STRN3: variants seen among roughly 807,000 people sequenced by gnomAD.
STRN3 encodes the protein striatin 3.
STRN3 carries 29 observed loss-of-function variants against 95.6 expected under a neutral mutation model. That is an observed-to-expected ratio of 0.30 (90% confidence interval 0.23 to 0.41). The LOEUF (loss-of-function observed/expected upper bound fraction) is 0.41, where lower values mean the gene tolerates loss of function less well. Among genes scored for constraint, STRN3 ranks in the 10% least tolerant of loss-of-function variants. The pLI is 1.00. For synonymous variants in STRN3, 331 were observed against 357.6 expected (o/e 0.93, Z 0.84); for missense variants, 890 against 972.1 (o/e 0.92, Z 1.12).
At chr14:31,000,794 A>G (rs1034339754) in intron 1 of STRN3, among the ~76,000 whole-genome samples, 1 of 152,044 alleles carries the variant, frequency 6.6e-6, no homozygotes, top group Non-Finnish European at 1.5e-5. Context: ...GCTTTATTTT[A>G]TTTATAGTGG....
intron 1 of STRN3, among the ~76,000 whole-genome samples, chr14:30,965,520 T>TA (rs926542317): frequency 4.0e-4 from 59 of 148,720 alleles, no homozygotes; most frequent in South Asian, 3.0e-3. Context: ...GACCCATCTC[T>TA]AAAAAAAAAC....
At chr14:31,003,796 T>TAAAAA (rs35951887) in intron 1 of STRN3, among the ~76,000 whole-genome samples, 16 of 115,474 alleles carry the variant, frequency 1.4e-4, no homozygotes, top group South Asian at 3.3e-4. Context: ...ACATCTTTCT[T>TAAAAA]AAAAAAAAAA....
intron 8 of STRN3, among the ~76,000 whole-genome samples, chr14:30,927,542 C>A (rs963093484): frequency 6.6e-6 from 1 of 151,706 alleles, no homozygotes; most frequent in Non-Finnish European, 1.5e-5. Context: ...CAAAAGAAAT[C>A]TTCAGCAGAT....
intron 1 of STRN3, among the ~76,000 whole-genome samples, chr14:30,978,761 G>A (rs925007591): frequency 1.3e-5 from 2 of 152,094 alleles, no homozygotes; most frequent in Non-Finnish European, 2.9e-5. Context: ...AGCTAGGTGC[G>A]GTGGCTAACG....
At chr14:30,919,208 T>C in intron 8 of STRN3, 102 bp from the exon 9 acceptor site, 1 of 1,205,508 alleles carries the variant, frequency 8.3e-7, no homozygotes, top group Admixed American at 2.8e-5. Context: ...TATTAAGAAG[T>C]CCCAGTTATT....
intron 5 of STRN3, among the ~76,000 whole-genome samples, chr14:30,937,853 G>C (rs936960619): frequency 1.1e-4 from 16 of 151,990 alleles, no homozygotes; most frequent in African/African-American, 3.9e-4. Context: ...TCTCTGACTG[G>C]TTCCCTCCAT....
chr14:30,975,542 GAA>G (rs538959303), intron 1 of STRN3, among the ~76,000 whole-genome samples: 26 of 30,414 alleles, frequency 8.5e-4, no homozygotes, highest in Admixed American at 1.8e-3. Flanking sequence ...CCCCCCTACT[GAA>G]AAAAAAAAAA....
intron 1 of STRN3, among the ~76,000 whole-genome samples, chr14:31,007,264 G>T (rs1882761614): frequency 6.6e-6 from 1 of 152,178 alleles, no homozygotes; most frequent in Non-Finnish European, 1.5e-5. Flanking sequence ...ATCAGAGCAA[G>T]AGAATGGATA....
intron 7 of STRN3, among the ~76,000 whole-genome samples, chr14:30,933,124 T>G (rs1212575000): frequency 7.5e-5 from 11 of 147,058 alleles, no homozygotes; most frequent in Non-Finnish European, 1.3e-4. Flanking sequence ...AAAAAAAAAA[T>G]GCAAAAATTA....
intron 1 of STRN3, among the ~76,000 whole-genome samples, chr14:30,971,374 A>T (rs61976796): frequency 0.16 from 23,724 of 152,216 alleles, 2,076 homozygotes; most frequent in South Asian, 0.33. Context: ...AGACACAATT[A>T]AAGTCCCATG....
intron 1 of STRN3, among the ~76,000 whole-genome samples, chr14:31,015,773 T>C (rs765138538): frequency 6.6e-6 from 1 of 152,142 alleles, no homozygotes; most frequent in Non-Finnish European, 1.5e-5. Context: ...CATTTACTTT[T>C]AGAAGTTCAG....
At chr14:30,925,521 T>C (rs1566438931) in intron 8 of STRN3, among the ~76,000 whole-genome samples, 1 of 152,118 alleles carries the variant, frequency 6.6e-6, no homozygotes, top group South Asian at 2.1e-4. Context: ...ATTCAGTAGG[T>C]GTGACTTATT....
intron 1 of STRN3, among the ~76,000 whole-genome samples, chr14:30,973,709 A>T (rs1321713424): frequency 6.6e-6 from 1 of 152,238 alleles, no homozygotes; most frequent in African/African-American, 2.4e-5. Context: ...GAACACTGAT[A>T]CTAAAATTCT....
intron 1 of STRN3, among the ~76,000 whole-genome samples, chr14:31,023,912 T>A (rs959067891): frequency 6.7e-6 from 1 of 149,304 alleles, no homozygotes; most frequent in Admixed American, 6.7e-5. Context: ...CTAGAAACAC[T>A]GTAGGACTTC....
chr14:31,004,280 C>G (rs1423864840), intron 1 of STRN3, among the ~76,000 whole-genome samples: 1 of 150,838 alleles, frequency 6.6e-6, no homozygotes, highest in Admixed American at 6.6e-5. Flanking sequence ...CAACAGGGTG[C>G]AACCCTGCCT....
At chr14:30,974,607 CAAAA>C (rs34613702) in intron 1 of STRN3, among the ~76,000 whole-genome samples, 6 of 120,680 alleles carry the variant, frequency 5.0e-5, no homozygotes, top group Admixed American at 8.8e-5. Flanking sequence ...AGCATAACTA[CAAAA>C]AAAAAAAAAA....
chr14:30,975,561 G>GA (rs1177134965), intron 1 of STRN3, among the ~76,000 whole-genome samples: 84 of 136,630 alleles, frequency 6.1e-4, no homozygotes, highest in East Asian at 4.3e-3. Context: ...AAAAAAAGAA[G>GA]AAGAAAGAAA....
Position 31,002,200 on chromosome 14 carries a change from G to A in STRN3, c.282+23704C>T, listed in dbSNP as rs531821327. Among the ~76,000 whole-genome samples, 398 of 145,274 alleles carry A rather than the reference G, an allele frequency of 2.7e-3. 12 individuals are homozygous for A. Among genetic ancestry groups the A allele is most frequent in the Admixed American group, 0.024 (343 of 14,320 alleles). On this transcript the variant is annotated intron_variant, in intron 1 of 17. Coordinates refer to ENST00000357479, the MANE Select transcript of STRN3 (RefSeq NM_001083893.2). Reference sequence around the variant, plus strand: ...AAAAAAAAAAAAAACAAGGCCAGGCGTGGTGGCTCACACCTGTAATCCCAG... The same window carrying A: ...AAAAAAAAAAAAAACAAGGCCAGGCATGGTGGCTCACACCTGTAATCCCAG...
chr14:30,918,512 GAAAAAAAAAGAA>G (rs750840604), intron 9 of STRN3, among the ~76,000 whole-genome samples: 14 of 79,618 alleles, frequency 1.8e-4, no homozygotes, highest in East Asian at 7.9e-4. Context: ...CTGTCTCAAG[GAAAAAAAAAGAA>G]AAAAAAAAAG....
Sources: allele counts gnomAD v4.1 joint callset (sites outside exome capture counted in the v4.1 genomes callset), GRCh38; gene constraint gnomAD v4.1.1; transcripts MANE v1.5; gene names NCBI Gene and HGNC (gene_info 2026-07-23, HGNC 2026-07-21).